RNF214: variants seen among roughly 807,000 people sequenced by gnomAD.
RNF214 encodes the protein ring finger protein 214.
RNF214 carries 25 observed loss-of-function variants against 75.9 expected under a neutral mutation model. That is an observed-to-expected ratio of 0.33 (90% CI 0.24 to 0.46). The LOEUF (loss-of-function observed/expected upper bound fraction) is 0.46, where lower values mean the gene tolerates loss of function less well. RNF214 is among the 20% of genes least tolerant of loss of function. The pLI, the probability that RNF214 is intolerant of heterozygous loss-of-function variation, is 1.00. For synonymous variants in RNF214, 314 were observed against 308.8 expected (o/e 1.02, Z -0.18); for missense variants, 725 against 857.5 (o/e 0.85, Z 1.93).
intron 5 of RNF214, among the ~76,000 whole-genome samples, chr11:117,244,877 G>C (rs1201177034): frequency 6.6e-6 from 1 of 151,694 alleles, no homozygotes; most frequent in Non-Finnish European, 1.5e-5. Flanking sequence ...ATGTTGCCCA[G>C]GCTGGTCTTG....
Position 117,283,194 on chromosome 11 carries a change from A to G in RNF214, c.2030A>G (p.His677Arg). 6.2e-7 allele frequency: 1 copy of G among 1,612,688 alleles called. No individual in the cohort carries two copies. The highest frequency in any genetic ancestry group is 8.5e-7 in the Non-Finnish European group (1 of 1,178,762). ...GAGCTGCATCCAATGGCGTGTACCC[A>G]TGTATTGCACAAGGAGGTAGGTGTT... ...PSELHPMACTHVLHKECIKFW... is the reference protein window; with the variant it reads ...PSELHPMACTRVLHKECIKFW... Residue 677 changes from histidine (H) to arginine (R), a missense_variant, in exon 14 of 15, where the codon CAT (histidine) becomes CGT (arginine). Physicochemically the swap from His to Arg is conservative, Grantham distance 29. This residue lies in a region of RNF214 where 363 missense variants were observed against 513.0 expected (regional missense o/e 0.71). Transcript: ENST00000300650.
rs537859181 is a variant in RNF214 at position 117,233,363 on chromosome 11, G to A, written c.-7+637G>A. On this transcript the variant is annotated intron_variant, in intron 1 of 14. Coordinates refer to ENST00000300650, the MANE Select transcript of RNF214 (RefSeq NM_207343.4). ...CTGAGGCACAGAGGGTCTGTGGGCT[G>A]TGACTGAGGTGTTGACACAGCCCCA... Among the ~76,000 whole-genome samples the A allele has an allele frequency of 4.6e-5, 7 of 152,296 alleles. No individual in the cohort carries two copies. The South Asian group carries it at 1.2e-3, about 27-fold the overall frequency.
chr11:117,252,029 C>G (rs943017699), intron 6 of RNF214, among the ~76,000 whole-genome samples: 1 of 152,154 alleles, frequency 6.6e-6, no homozygotes, highest in East Asian at 1.9e-4. Flanking sequence ...CCACCACGCC[C>G]GACTAATTTT....
intron 6 of RNF214, among the ~76,000 whole-genome samples, chr11:117,263,162 G>A (rs929279267): frequency 2.6e-5 from 4 of 151,094 alleles, no homozygotes; most frequent in Admixed American, 6.6e-5. Context: ...TTTTGAAACT[G>A]TATTGTTAGA....
chr11:117,245,600 C>A (rs540422887), intron 5 of RNF214, among the ~76,000 whole-genome samples: 2 of 152,048 alleles, frequency 1.3e-5, no homozygotes, highest in South Asian at 2.1e-4. Context: ...CCTCGGCCCC[C>A]CAAAGTGCTG....
rs935515965 is a variant in RNF214, at chr11:117,234,295, G to A, written c.23G>A (p.Gly8Asp). 1.2e-6 allele frequency: 2 copies of A among 1,614,006 alleles called. No individual in the cohort carries two copies. Among genetic ancestry groups the A allele is most frequent in the African/African-American group, 2.7e-5 (2 of 74,930 alleles). ...ATAATGGCAGCGTCTGAGGTTGCTG[G>A]TGTTGTGGCCAATGCCCCCAGTCCT... MAASEVA[G>D]VVANAPSPPE... Residue 8 changes from glycine (G) to aspartate (D), a missense_variant, in exon 2 of 15, where the codon GGT becomes GAT. Coordinates refer to ENST00000300650, the MANE Select transcript of RNF214 (RefSeq NM_207343.4).
At chr11:117,250,038 A>G (rs1361496035) in intron 6 of RNF214, among the ~76,000 whole-genome samples, 1 of 152,226 alleles carries the variant, frequency 6.6e-6, no homozygotes, top group Non-Finnish European at 1.5e-5. Flanking sequence ...TGGAGAGTAA[A>G]AAGTCTTCAA....
At chr11:117,263,318 T>TC (rs34434859) in intron 6 of RNF214, among the ~76,000 whole-genome samples, 108,009 of 151,068 alleles carry the variant, frequency 0.71, 40,112 homozygotes, top group East Asian at 0.95. Context: ...TCTCGCTGTG[T>TC]TGGCTGGAGT....
intron 6 of RNF214, among the ~76,000 whole-genome samples, chr11:117,254,945 C>T (rs1035129550): frequency 6.6e-6 from 1 of 152,108 alleles, no homozygotes; most frequent in African/African-American, 2.4e-5. Flanking sequence ...ATTCTTACAC[C>T]TGGGCTGCTG....
intron 14 of RNF214, among the ~76,000 whole-genome samples, chr11:117,284,106 G>T (rs896266556): frequency 1.3e-5 from 2 of 152,134 alleles, no homozygotes; most frequent in African/African-American, 4.8e-5. Flanking sequence ...TAACTTTCTT[G>T]GAAAATTGAC....
intron 11 of RNF214, 36 bp downstream of exon 11, chr11:117,282,306 T>C: frequency 6.3e-7 from 1 of 1,580,132 alleles, no homozygotes; most frequent in Non-Finnish European, 8.6e-7. Flanking sequence ...GATGTCTCTA[T>C]CAGAGAAATG....
At chr11:117,260,665 A>C (rs57475201) in intron 6 of RNF214, among the ~76,000 whole-genome samples, 3 of 124,250 alleles carry the variant, frequency 2.4e-5, no homozygotes, top group Admixed American at 8.4e-5. Flanking sequence ...TTCCTTTTTT[A>C]TTTGAGACGG....
At chr11:117,274,866 C>T (rs61903699) in intron 6 of RNF214, among the ~76,000 whole-genome samples, 7,399 of 150,570 alleles carry the variant, frequency 0.049, 290 homozygotes, top group East Asian at 0.14. Flanking sequence ...TTTGTAGAGA[C>T]GGGGTTTTGC....
chr11:117,251,932 G>C (rs368045386), intron 6 of RNF214, among the ~76,000 whole-genome samples: 2 of 152,174 alleles, frequency 1.3e-5, no homozygotes, highest in Non-Finnish European at 2.9e-5. Context: ...GCAGTGGCAC[G>C]ATCTTGGCTC....
chr11:117,247,659 T>C (rs1419360034), intron 6 of RNF214, among the ~76,000 whole-genome samples: 1 of 152,066 alleles, frequency 6.6e-6, no homozygotes, highest in African/African-American at 2.4e-5. Context: ...GAGACCATCC[T>C]GGCCAATATG....
At position 117,281,596 on chromosome 11, in the gene RNF214, T is replaced by A; in HGVS notation, c.1237-4T>A. ...GCAGTAAAAATAATCCTTTTTTTTT[T>A]TAGGACCAATTTAATAGTCATATCC... On this transcript the variant is annotated splice_polypyrimidine_tract_variant and splice_region_variant and intron_variant, in intron 9 of 14. Coordinates refer to ENST00000300650, the MANE Select transcript of RNF214 (RefSeq NM_207343.4). 1 of 1,606,112 alleles carries A rather than the reference T, an allele frequency of 6.2e-7. No individual in the cohort carries two copies. Among genetic ancestry groups the A allele is most frequent in the South Asian group, 1.1e-5 (1 of 90,822 alleles).
At chr11:117,278,919 CT>C (rs1481092854) in intron 6 of RNF214, among the ~76,000 whole-genome samples, 6 of 152,044 alleles carry the variant, frequency 3.9e-5, no homozygotes, top group African/African-American at 9.7e-5. Flanking sequence ...AGTGAGACCC[CT>C]GTCTCTACAA....
intron 14 of RNF214, among the ~76,000 whole-genome samples, chr11:117,283,968 A>G (rs2034187639): frequency 6.6e-6 from 1 of 152,130 alleles, no homozygotes; most frequent in South Asian, 2.1e-4. Flanking sequence ...CTAATGTCTA[A>G]TCATAAGGTT....
At chr11:117,263,808 C>A (rs907211211) in intron 6 of RNF214, 3 of 233,500 alleles carry the variant, frequency 1.3e-5, no homozygotes, top group South Asian at 4.9e-5. Flanking sequence ...ATTGTCCTGG[C>A]CTATGCTTTT....
Sources: allele counts gnomAD v4.1 joint callset (sites outside exome capture counted in the v4.1 genomes callset), GRCh38; gene constraint gnomAD v4.1.1; regional missense constraint gnomAD v4.1.1; transcripts MANE v1.5; gene names NCBI Gene and HGNC (gene_info 2026-07-23, HGNC 2026-07-21).